The following USH2A variants were observed in gnomAD, a reference collection of about 807,000 sequenced individuals.
USH2A encodes usherin.
USH2A carries 443 observed loss-of-function variants against 538.9 expected under a neutral mutation model. The observed-to-expected ratio is 0.82, with a 90% confidence interval of 0.76 to 0.89. The LOEUF (loss-of-function observed/expected upper bound fraction) is 0.89, where lower values mean the gene tolerates loss of function less well. Among genes scored for constraint, USH2A ranks in the 40% least tolerant of loss-of-function variants. The probability of loss-of-function intolerance (pLI) is 0.00; values close to 1 mark genes in which losing one functional copy is unlikely to be tolerated. For synonymous variants in USH2A, 2,413 were observed against 2,273.5 expected (o/e 1.06, Z -1.75); for missense variants, 6,633 against 6,324.8 (o/e 1.05, Z -1.65).
At chr1:216,223,859 G>A (rs574309288) in intron 14 of USH2A, among the ~76,000 whole-genome samples, 2 of 152,226 alleles carry the variant, frequency 1.3e-5, no homozygotes, top group African/African-American at 4.8e-5. Context: ...GAGATCAATC[G>A]GATAAAGGCC....
chr1:215,694,259 C>T (rs2820702), intron 61 of USH2A, among the ~76,000 whole-genome samples: 143,498 of 152,230 alleles, frequency 0.94, 68,135 homozygotes, highest in East Asian at 1. Flanking sequence ...TAAATTAAAA[C>T]TATTTGTTGA....
At chr1:215,720,183 A>G (rs932704998) in intron 61 of USH2A, among the ~76,000 whole-genome samples, 6 of 152,124 alleles carry the variant, frequency 3.9e-5, no homozygotes, top group Non-Finnish European at 7.4e-5. Context: ...CATAAAAAAA[A>G]TTAAAGAAGG....
intron 37 of USH2A, among the ~76,000 whole-genome samples, chr1:215,937,312 A>G (rs192558977): frequency 2.6e-5 from 4 of 152,276 alleles, no homozygotes; most frequent in African/African-American, 9.6e-5. Flanking sequence ...TATGAAACCT[A>G]CAAAGCAGCC....
chr1:216,212,604 T>A (rs2035263646), intron 15 of USH2A, among the ~76,000 whole-genome samples: 2 of 152,050 alleles, frequency 1.3e-5, no homozygotes, highest in South Asian at 4.1e-4. Flanking sequence ...TTGGACTCTC[T>A]GAACCTTTTC....
At position 215,786,800 on chromosome 1, in the gene USH2A, G is replaced by T. The variant is rs752510460; in HGVS notation, c.10257C>A (p.Asn3419Lys). Residue 3419 changes from asparagine (N) to lysine (K), a missense_variant, in exon 52 of 72, where the codon AAC (asparagine) becomes AAA (lysine). Physicochemically the swap from Asn to Lys is moderately conservative, Grantham distance 94. Coordinates refer to ENST00000307340, the MANE Select transcript of USH2A (RefSeq NM_206933.4). ...ATEHCGRCDF[N>K]FTSHICTVIR... ...TCACAGTGCAAATGTGGCTGGTAAA[G>T]TTGAAGTCACACCTGCCACAATGTT... 5 of 1,613,552 alleles carry T rather than the reference G, an allele frequency of 3.1e-6. No individual in the cohort carries two copies. In the Admixed American group the frequency reaches 8.3e-5, roughly 27 times the overall value.
intron 26 of USH2A, 108 bp from the exon 27 acceptor site, chr1:216,078,470 G>T: frequency 9.9e-7 from 1 of 1,009,450 alleles, no homozygotes; most frequent in Non-Finnish European, 1.5e-6. Context: ...ACAGTTCCCT[G>T]AAAGCACTCT....
Position 215,790,185 on chromosome 1 carries a change from G to T in USH2A, c.10056C>A (p.Asp3352Glu). The T allele has an allele frequency of 1.2e-6, 2 of 1,613,996 alleles. No homozygotes were observed. The highest frequency in any genetic ancestry group is 1.7e-6 in the Non-Finnish European group (2 of 1,180,000). Residue 3352 changes from aspartate to glutamate, a missense_variant, in exon 51 of 72, where the codon GAC becomes GAA. Asp to Glu is a conservative substitution (Grantham distance 45). Coordinates refer to ENST00000307340, the MANE Select transcript of USH2A (RefSeq NM_206933.4). ...TCTCACAGCATTTTACTGGCACCGG[G>T]TCATTCTTTTTAATATGTGCTTTAG... Reference protein sequence around the residue: ...GESKAHIKKNDPVPVKCCETE... With the variant: ...GESKAHIKKNEPVPVKCCETE...
chr1:215,778,025 AAAT>A (rs1427376228), intron 55 of USH2A, among the ~76,000 whole-genome samples: 1 of 151,860 alleles, frequency 6.6e-6, no homozygotes, highest in Non-Finnish European at 1.5e-5. Context: ...TTGATCATTC[AAAT>A]ATGAGGGCTT....
At chr1:216,050,727 C>A (rs984352204) in intron 30 of USH2A, among the ~76,000 whole-genome samples, 1 of 150,712 alleles carries the variant, frequency 6.6e-6, no homozygotes, top group Admixed American at 6.6e-5. Flanking sequence ...GCCTCAGCCT[C>A]CACAGTAGCT....
intron 11 of USH2A, among the ~76,000 whole-genome samples, chr1:216,253,266 C>T (rs370263388): frequency 2.0e-5 from 3 of 151,746 alleles, no homozygotes; most frequent in East Asian, 3.9e-4. Flanking sequence ...GCAACCTCCG[C>T]CTCCCAGGTT....
intron 61 of USH2A, among the ~76,000 whole-genome samples, chr1:215,718,075 C>T (rs1285866675): frequency 4.6e-5 from 7 of 152,116 alleles, no homozygotes; most frequent in Non-Finnish European, 1.0e-4. Context: ...GACTTCAAGT[C>T]CATAGATATG....
At position 215,694,490 on chromosome 1, in the gene USH2A, G is replaced by A. The variant is rs571295914; in HGVS notation, c.12067-14114C>T. 1.3e-4 allele frequency among the ~76,000 whole-genome samples: 20 copies of A among 152,236 alleles called. No individual in the cohort carries two copies. The South Asian group carries it at 2.5e-3, about 19-fold the overall frequency. ...CGGGAGGCTGAGGCAGGAGAATGGC[G>A]TGAACCCGGGAGGCGGAGCTTACGG... is the stretch of plus-strand genomic sequence containing the variant. On this transcript the variant is annotated intron_variant, in intron 61 of 71. Coordinates refer to ENST00000307340, the MANE Select transcript of USH2A (RefSeq NM_206933.4).
At chr1:216,141,437 C>T (rs765053784) in intron 21 of USH2A, among the ~76,000 whole-genome samples, 1 of 152,180 alleles carries the variant, frequency 6.6e-6, no homozygotes, top group Non-Finnish European at 1.5e-5. Flanking sequence ...TCCTAGCAAG[C>T]TCAGCATACT....
At chr1:215,660,091 G>C (rs868604123) in intron 64 of USH2A, among the ~76,000 whole-genome samples, 1 of 152,210 alleles carries the variant, frequency 6.6e-6, no homozygotes, top group Admixed American at 6.5e-5. Context: ...GCAATTTGGA[G>C]GTAACTGTTG....
chr1:216,158,156 G>C (rs565088541), intron 21 of USH2A, among the ~76,000 whole-genome samples: 5 of 152,162 alleles, frequency 3.3e-5, no homozygotes, highest in African/African-American at 1.2e-4. Context: ...AATTTGGATT[G>C]TTACCAGTTT....
chr1:215,970,553 C>T, intron 36 of USH2A, 72 bp downstream of exon 36: 1 of 1,602,396 alleles, frequency 6.2e-7, no homozygotes, highest in Non-Finnish European at 8.5e-7. Flanking sequence ...GTCACCGCCA[C>T]TTACTTCTTC....
chr1:215,711,391 G>A (rs922375157), intron 61 of USH2A, among the ~76,000 whole-genome samples: 1 of 152,196 alleles, frequency 6.6e-6, no homozygotes, highest in African/African-American at 2.4e-5. Context: ...ATAATTGCTA[G>A]AAGTAATTTA....
intron 44 of USH2A, among the ~76,000 whole-genome samples, chr1:215,847,365 T>C (rs1023635162): frequency 3.3e-5 from 5 of 152,084 alleles, no homozygotes; most frequent in African/African-American, 9.7e-5. Context: ...CATCAAAAAT[T>C]GCTCAGGCTG....
At chr1:215,902,147 A>G (rs527329734) in intron 38 of USH2A, among the ~76,000 whole-genome samples, 2 of 152,166 alleles carry the variant, frequency 1.3e-5, no homozygotes, top group Non-Finnish European at 2.9e-5. Context: ...AATGACCACA[A>G]ATTACCAGAG....
Sources: allele counts gnomAD v4.1 joint callset (sites outside exome capture counted in the v4.1 genomes callset), GRCh38; gene constraint gnomAD v4.1.1; transcripts MANE v1.5; gene names NCBI Gene and HGNC (gene_info 2026-07-23, HGNC 2026-07-21).